Variants in BARD1 observed in about 807,000 individuals in gnomAD.
BARD1 encodes the protein BRCA1-associated RING domain protein 1.
BARD1 carries 73 observed loss-of-function variants against 77.0 expected under a neutral mutation model. The observed-to-expected ratio is 0.95, with a 90% confidence interval of 0.79 to 1.15. The LOEUF (loss-of-function observed/expected upper bound fraction) is 1.15. BARD1 is among the 50% of genes most tolerant of loss of function. The pLI is 0.00. For missense variants in BARD1, 993 were observed against 938.8 expected, an observed-to-expected ratio of 1.06 and a Z score of -0.75; for synonymous variants, 384 against 338.0, an observed-to-expected ratio of 1.14 and a Z score of -1.49.
At chr2:214,794,738 G>A (rs1186139166) in intron 2 of BARD1, among the ~76,000 whole-genome samples, 1 of 152,098 alleles carries the variant, frequency 6.6e-6, no homozygotes, top group Non-Finnish European at 1.5e-5. Flanking sequence ...ACCTTTATCA[G>A]TTGAACTGAG....
At chr2:214,739,338 G>A (rs530768752) in intron 9 of BARD1, among the ~76,000 whole-genome samples, 1 of 152,172 alleles carries the variant, frequency 6.6e-6, no homozygotes, top group African/African-American at 2.4e-5. Flanking sequence ...AACTAAAGAT[G>A]TTTAAATTAG....
At chr2:214,801,942 T>C (rs752515430) in intron 1 of BARD1, among the ~76,000 whole-genome samples, 10 of 151,784 alleles carry the variant, frequency 6.6e-5, no homozygotes, top group African/African-American at 9.7e-5. Flanking sequence ...TCACTGAGCT[T>C]TGAACTCCTG....
At chr2:214,779,761 G>A (rs1338233654) in intron 4 of BARD1, among the ~76,000 whole-genome samples, 3 of 152,252 alleles carry the variant, frequency 2.0e-5, no homozygotes, top group South Asian at 2.1e-4. Flanking sequence ...AATTGACTAC[G>A]TACAGTCGCT....
At chr2:214,781,567 G>C in intron 3 of BARD1, 58 bp from the exon 4 acceptor site, 1 of 1,430,902 alleles carries the variant, frequency 7.0e-7, no homozygotes, top group Non-Finnish European at 9.6e-7. Context: ...CCCACATGGA[G>C]CTCCCGAAGA....
intron 3 of BARD1, among the ~76,000 whole-genome samples, chr2:214,791,514 T>A (rs1358528662): frequency 6.6e-6 from 1 of 152,208 alleles, no homozygotes; most frequent in African/African-American, 2.4e-5. Context: ...TATCCAATTA[T>A]GAAGATACAA....
intron 3 of BARD1, among the ~76,000 whole-genome samples, chr2:214,791,859 T>G (rs1457488886): frequency 6.6e-6 from 1 of 152,140 alleles, no homozygotes; most frequent in Non-Finnish European, 1.5e-5. Context: ...AGCAAAAAAG[T>G]TCCTGGATTT....
intron 8 of BARD1, 28 bp downstream of exon 8, chr2:214,745,694 C>T: frequency 6.2e-7 from 1 of 1,613,274 alleles, no homozygotes; most frequent in Middle Eastern, 1.7e-4. Context: ...TTTTTTCTAC[C>T]CCACCTCCCA....
intron 6 of BARD1, among the ~76,000 whole-genome samples, chr2:214,766,817 C>T (rs11890571): frequency 0.37 from 56,419 of 151,624 alleles, 10,587 homozygotes; most frequent in Middle Eastern, 0.44. Flanking sequence ...TATTTTTTTT[C>T]CCCTTTTTAA....
chr2:214,745,938 C>T (rs1233539229), intron 7 of BARD1, 84 bp from the exon 8 acceptor site: 4 of 1,475,562 alleles, frequency 2.7e-6, no homozygotes, highest in Admixed American at 3.4e-5. Context: ...TTGATATAAG[C>T]TTGAATTTCA....
intron 7 of BARD1, among the ~76,000 whole-genome samples, chr2:214,750,000 A>C (rs550680982): frequency 4.1e-4 from 62 of 152,280 alleles, no homozygotes; most frequent in Non-Finnish European, 7.9e-4. Context: ...TCATGAAAGC[A>C]TCTATGAGAG....
At chr2:214,785,207 C>G (rs1293075735) in intron 3 of BARD1, among the ~76,000 whole-genome samples, 1 of 151,916 alleles carries the variant, frequency 6.6e-6, no homozygotes, top group African/African-American at 2.4e-5. Flanking sequence ...AATTGTTTTA[C>G]AGTTTAATTC....
At chr2:214,743,495 A>G (rs1157321655) in intron 9 of BARD1, among the ~76,000 whole-genome samples, 5 of 152,238 alleles carry the variant, frequency 3.3e-5, no homozygotes, top group Non-Finnish European at 7.3e-5. Context: ...CTTTTCCTTC[A>G]GTGTCCAATG....
chr2:214,760,212 A>G (rs1693890577), intron 6 of BARD1, among the ~76,000 whole-genome samples: 2 of 152,210 alleles, frequency 1.3e-5, no homozygotes, highest in Admixed American at 6.5e-5. Flanking sequence ...TTATTATTTG[A>G]GACCGAGTCT....
In BARD1 at chr2:214,769,642, G is replaced by A. The variant is rs548451572; in HGVS notation, c.1315-330C>T. Among the ~76,000 whole-genome samples, 11 of 152,278 alleles carry A rather than the reference G, an allele frequency of 7.2e-5. No individual in the cohort carries two copies. The South Asian group carries it at 1.9e-3, about 26-fold the overall frequency. On this transcript the variant is annotated intron_variant, in intron 4 of 10. Transcript: ENST00000260947. Reference sequence around the variant, plus strand: ...TGTAATCCCAGCTACTTGGGAGGCTGAGGCAGGAGAATCACTTGAGCCCAG... The same window carrying A: ...TGTAATCCCAGCTACTTGGGAGGCTAAGGCAGGAGAATCACTTGAGCCCAG...
At chr2:214,766,574 C>T (rs918127155) in intron 6 of BARD1, among the ~76,000 whole-genome samples, 1 of 151,940 alleles carries the variant, frequency 6.6e-6, no homozygotes, top group Non-Finnish European at 1.5e-5. Flanking sequence ...AATATGTCAG[C>T]ACAGTTATCC....
At chr2:214,762,250 G>A (rs890502023) in intron 6 of BARD1, among the ~76,000 whole-genome samples, 2 of 152,120 alleles carry the variant, frequency 1.3e-5, no homozygotes, top group Non-Finnish European at 2.9e-5. Flanking sequence ...ATGAAACACA[G>A]ATAAATTTCA....
chr2:214,730,978 G>A (rs1212267439), intron 9 of BARD1: 2 of 451,702 alleles, frequency 4.4e-6, no homozygotes, highest in Admixed American at 2.4e-5. Context: ...TGACATGAAG[G>A]AATGTGCTTT....
Position 214,745,634 on chromosome 2 carries a change from C to T in BARD1, c.1810+88G>A, listed in dbSNP as rs1286322593. 3.3e-6 allele frequency: 5 copies of T among 1,519,318 alleles called. No individual in the cohort carries two copies. The East Asian group carries it at 9.0e-5, about 27-fold the overall frequency. The allele number at this position is 1,519,318 out of a possible 1,614,324, so 94.1% of individuals were successfully genotyped here. A position where few individuals can be genotyped will look rare whatever the true frequency, so the allele number is the denominator to read the frequency against. On this transcript the variant is annotated intron_variant, in intron 8 of 10. Coordinates refer to ENST00000260947, the MANE Select transcript of BARD1 (RefSeq NM_000465.4). Reference sequence around the variant, plus strand: ...TACAGCCATCTCCCAATGGTTAAAACATATGTAAATTATCAAAGGTAGTTC... The same window carrying T: ...TACAGCCATCTCCCAATGGTTAAAATATATGTAAATTATCAAAGGTAGTTC...
At chr2:214,761,289 G>GAA (rs11340372) in intron 6 of BARD1, among the ~76,000 whole-genome samples, 6 of 131,268 alleles carry the variant, frequency 4.6e-5, no homozygotes, top group Admixed American at 3.8e-4. Flanking sequence ...AAGGTAAAAA[G>GAA]AAAAAAAAAA....
Sources: allele counts gnomAD v4.1 joint callset (sites outside exome capture counted in the v4.1 genomes callset), GRCh38; gene constraint gnomAD v4.1.1; transcripts MANE v1.5; gene names NCBI Gene and HGNC (gene_info 2026-07-23, HGNC 2026-07-21).